TMSB4Y: variants seen among roughly 807,000 people sequenced by gnomAD.
The protein encoded by TMSB4Y is thymosin beta 4 Y-linked.
A neutral mutation model predicts 1.0 loss-of-function variants in TMSB4Y; 2 were observed. The observed-to-expected ratio is 2.00, with a 90% CI of 0.82 to 6.31. The LOEUF is 6.31. Among genes scored for constraint, TMSB4Y ranks in the 30% most tolerant of loss-of-function variants. The pLI, the probability that TMSB4Y is intolerant of heterozygous loss-of-function variation, is 0.05. For missense variants in TMSB4Y, 12 were observed against 9.1 expected (o/e 1.31, Z -0.41); for synonymous variants, 7 against 3.6 (o/e 1.96, Z -1.08).
chrY:13,705,172 C>A, intron 1 of TMSB4Y, 53 bp from the exon 2 acceptor site: 3 of 361,296 alleles, frequency 8.3e-6, no homozygotes, highest in Non-Finnish European at 1.2e-5. Flanking sequence ...GTACTGAAAC[C>A]CCTTAATCAT....
Position 13,705,375 on chromosome Y carries a change from C to T in TMSB4Y, c.*116C>T. The T allele has an allele frequency of 6.1e-6, 1 of 163,371 alleles. No individual in the cohort carries two copies. The highest frequency in any genetic ancestry group is 1.1e-5 in the Non-Finnish European group (1 of 95,033). The allele number at this position is 163,371 out of a possible 400,897, so 40.8% of individuals were successfully genotyped here. A position where few individuals can be genotyped will look rare whatever the true frequency, so the allele number is the denominator to read the frequency against. On this transcript the variant is annotated 3_prime_UTR_variant, in exon 2 of 2. Transcript: ENST00000284856. The stretch of plus-strand genomic sequence containing the variant: ...AACACGTTGGATGAGTTTGAAAGGA[C>T]TATGCTGCCCTTTTGACATCAAAGA...
chrY:13,704,425 T>C lies in TMSB4Y; in HGVS notation c.90T>C (p.Ser30=). 2.6e-6 allele frequency: 1 copy of C among 389,758 alleles called. No homozygotes were observed. The highest frequency in any genetic ancestry group is 3.6e-6 in the Non-Finnish European group (1 of 275,818). Residue 30 remains serine (S), a synonymous_variant, in exon 1 of 2, where the codon TCT becomes TCC. Coordinates refer to ENST00000284856, the MANE Select transcript of TMSB4Y (RefSeq NM_004202.3). ...KTETQEKNPL[S]SKETIEQERQ... is the part of the protein sequence containing the mutation. The stretch of plus-strand genomic sequence containing the variant: ...AAACGCAAGAGAAGAATCCATTGTC[T>C]TCCAAAGAAAGTAAGCTCCGATCCT...
At chrY:13,705,096 T>G in intron 1 of TMSB4Y, 129 bp from the exon 2 acceptor site, 1 of 156,059 alleles carries the variant, frequency 6.4e-6, no homozygotes, top group Non-Finnish European at 1.2e-5. Flanking sequence ...ATGTTGCAAA[T>G]GAAAGCCCCT....
rs760181444 is a variant in TMSB4Y, at chrY:13,704,390, A to G, written c.55A>G (p.Lys19Glu). The change falls in exon 1 of 2, where the codon AAG becomes GAG. Residue 19 changes from lysine to glutamate, a missense_variant. Transcript: ENST00000284856. ...EIEKFDKSKL[K>E]KTETQEKNPL... is the part of the protein sequence containing the mutation. ...CGAGAAATTCGATAAGTCGAAACTG[A>G]AGAAGACAGAAACGCAAGAGAAGAA... is the stretch of plus-strand genomic sequence containing the variant. 1 of 396,610 alleles carries G rather than the reference A, an allele frequency of 2.5e-6. No homozygotes were observed. The highest frequency in any genetic ancestry group is 3.0e-5 in the South Asian group (1 of 33,737).
chrY:13,704,420 T>C lies in TMSB4Y; in HGVS notation c.85T>C (p.Leu29=). 2.6e-6 allele frequency: 1 copy of C among 391,073 alleles called. No individual in the cohort carries two copies. Among genetic ancestry groups the C allele is most frequent in the Non-Finnish European group, 3.6e-6 (1 of 277,051 alleles). The change falls in exon 1 of 2, where the codon TTG becomes CTG. Residue 29 remains leucine, a synonymous_variant. Coordinates refer to ENST00000284856, the MANE Select transcript of TMSB4Y (RefSeq NM_004202.3). ...GACAGAAACGCAAGAGAAGAATCCA[T>C]TGTCTTCCAAAGAAAGTAAGCTCCG... ...KKTETQEKNP[L]SSKETIEQER...
chrY:13,704,407 A>C lies in TMSB4Y; in HGVS notation c.72A>C (p.Gln24His), dbSNP rs776688710. 1 of 394,187 alleles carries C rather than the reference A, an allele frequency of 2.5e-6. No homozygotes were observed. Among genetic ancestry groups the C allele is most frequent in the South Asian group, 3.0e-5 (1 of 33,635 alleles). ...DKSKLKKTETQEKNPLSSKET... is the reference protein window; with the variant it reads ...DKSKLKKTETHEKNPLSSKET... ...CGAAACTGAAGAAGACAGAAACGCA[A>C]GAGAAGAATCCATTGTCTTCCAAAG... The change falls in exon 1 of 2, where the codon CAA becomes CAC. Residue 24 changes from glutamine to histidine, a missense_variant. By Grantham distance (24) the Gln-to-His change is conservative. Transcript: ENST00000284856.
Position 13,704,448 on chromosome Y carries a change from C to T in TMSB4Y, c.100+13C>T. 2 of 350,429 alleles carry T rather than the reference C, an allele frequency of 5.7e-6. No homozygotes were observed. Among genetic ancestry groups the T allele is most frequent in the South Asian group, 3.1e-5 (1 of 31,852 alleles). 87.4% of individuals were successfully genotyped at this position (350,429 alleles called of 400,897 possible). A position where few individuals can be genotyped will look rare whatever the true frequency, so the allele number is the denominator to read the frequency against. ...TCTTCCAAAGAAAGTAAGCTCCGAT[C>T]CTCCCCCATCTTTAGAAAGGCTGGA... On this transcript the variant is annotated intron_variant, in intron 1 of 1. Coordinates refer to ENST00000284856, the MANE Select transcript of TMSB4Y (RefSeq NM_004202.3).
chrY:13,705,050 C>T, intron 1 of TMSB4Y, among the ~76,000 whole-genome samples, 175 bp from the exon 2 acceptor site: 1 of 33,368 alleles, frequency 3.0e-5, no homozygotes, highest in African/African-American at 1.2e-4. Context: ...ACATGCCTAG[C>T]TAGGTACACT....
rs2079760833 is a variant in TMSB4Y, at chrY:13,705,340, G to C, written c.*81G>C. ...TTACTTCTTTTACTTGTTTAACTTG[G>C]TTAGATGCAAACACGTTGGATGAGT... On this transcript the variant is annotated 3_prime_UTR_variant, in exon 2 of 2. Coordinates refer to ENST00000284856, the MANE Select transcript of TMSB4Y (RefSeq NM_004202.3). 1.1e-5 allele frequency: 3 copies of C among 275,431 alleles called. No homozygotes were observed. In the African/African-American group the frequency reaches 2.2e-4, roughly 20 times the overall value. 68.7% of individuals were successfully genotyped at this position (275,431 alleles called of 400,897 possible). A position where few individuals can be genotyped will look rare whatever the true frequency, so the allele number is the denominator to read the frequency against.
In TMSB4Y at chrY:13,703,963, G is replaced by A. The variant is rs2079759953; in HGVS notation, c.-373G>A. 2.6e-5 allele frequency: 1 copy of A among 37,973 alleles called. No homozygotes were observed. Among genetic ancestry groups the A allele is most frequent in the Non-Finnish European group, 6.3e-5 (1 of 15,854 alleles). 9.5% of individuals were successfully genotyped at this position (37,973 alleles called of 400,897 possible). A position where few individuals can be genotyped will look rare whatever the true frequency, so the allele number is the denominator to read the frequency against. Reference sequence around the variant, plus strand: ...TTTTGCGACCTGGGCTCCATTTTAGGAATTCTTGCCCGATTTTAACCACTT... The same window carrying A: ...TTTTGCGACCTGGGCTCCATTTTAGAAATTCTTGCCCGATTTTAACCACTT... On this transcript the variant is annotated 5_prime_UTR_variant, in exon 1 of 2. Transcript: ENST00000284856.
chrY:13,704,601 T>A (rs2079760530), intron 1 of TMSB4Y, among the ~76,000 whole-genome samples, 166 bp downstream of exon 1: 1 of 33,082 alleles, frequency 3.0e-5, no homozygotes, highest in Non-Finnish European at 7.4e-5. Flanking sequence ...AAAAATCAGA[T>A]AACTTTTAGT....
intron 1 of TMSB4Y, 47 bp from the exon 2 acceptor site, chrY:13,705,178 A>G (rs2079760669): frequency 2.7e-6 from 1 of 377,241 alleles, no homozygotes; most frequent in Admixed American, 7.6e-5. Context: ...AAACCCCTTA[A>G]TCATCCCACT....
Position 13,704,016 on chromosome Y carries a change from T to A in TMSB4Y, c.-320T>A. On this transcript the variant is annotated 5_prime_UTR_variant, in exon 1 of 2. Coordinates refer to ENST00000284856, the MANE Select transcript of TMSB4Y (RefSeq NM_004202.3). ...ACGCGGAAGTGGCTTTCCTATTCTC[T>A]TCCAAGCCAGCCTTTAATTTTAAAC... 1 of 50,303 alleles carries A rather than the reference T, an allele frequency of 2.0e-5. No individual in the cohort carries two copies. Among genetic ancestry groups the A allele is most frequent in the South Asian group, 2.3e-4 (1 of 4,391 alleles). The allele number at this position is 50,303 out of a possible 400,897, so 12.5% of individuals were successfully genotyped here.
At position 13,705,599 on chromosome Y, in the gene TMSB4Y, G is replaced by T; in HGVS notation, c.*340G>T. 1 of 46,438 alleles carries T rather than the reference G, an allele frequency of 2.2e-5. No individual in the cohort carries two copies. The highest frequency in any genetic ancestry group is 4.8e-5 in the Non-Finnish European group (1 of 20,929). 11.6% of individuals were successfully genotyped at this position (46,438 alleles called of 400,897 possible). On this transcript the variant is annotated 3_prime_UTR_variant, in exon 2 of 2. Transcript: ENST00000284856. ...GTGCCATTTTTGTTGTTGTTTGAAA[G>T]ATTTTAATTTTTGGAATGCACAGTT...
chrY:13,704,799 G>T, intron 1 of TMSB4Y, among the ~76,000 whole-genome samples: 2 of 32,471 alleles, frequency 6.2e-5, no homozygotes, highest in Non-Finnish European at 1.5e-4. Flanking sequence ...AGGGGAAGTT[G>T]CAGTGAGCCC....
Position 13,705,514 on chromosome Y carries a change from C to T in TMSB4Y, c.*255C>T. 2 of 77,404 alleles carry T rather than the reference C, an allele frequency of 2.6e-5. No individual in the cohort carries two copies. The highest frequency in any genetic ancestry group is 4.8e-5 in the Non-Finnish European group (2 of 41,611). 19.3% of individuals were successfully genotyped at this position (77,404 alleles called of 400,897 possible). A position where few individuals can be genotyped will look rare whatever the true frequency, so the allele number is the denominator to read the frequency against. On this transcript the variant is annotated 3_prime_UTR_variant, in exon 2 of 2. Transcript: ENST00000284856. ...TAGCGGAGTGGGAGGGCAGTGAAAT[C>T]TAGAGTAAAACCAAGTTGGGCCAAG...
At position 13,705,437 on chromosome Y, in the gene TMSB4Y, C is replaced by T. The variant is rs2079760968; in HGVS notation, c.*178C>T. On this transcript the variant is annotated 3_prime_UTR_variant, in exon 2 of 2. Coordinates refer to ENST00000284856, the MANE Select transcript of TMSB4Y (RefSeq NM_004202.3). ...TGGAGGCCACGCCTGCTTCTCCCAT[C>T]GCCTGTCTGGCTGGCAGGGAAGGAA... is the stretch of plus-strand genomic sequence containing the variant. The T allele has an allele frequency of 9.3e-6, 1 of 107,995 alleles. No individual in the cohort carries two copies. Among genetic ancestry groups the T allele is most frequent in the Non-Finnish European group, 1.7e-5 (1 of 58,174 alleles). 26.9% of individuals were successfully genotyped at this position (107,995 alleles called of 400,897 possible).
intron 1 of TMSB4Y, 32 bp downstream of exon 1, chrY:13,704,467 G>A: frequency 3.1e-6 from 1 of 324,074 alleles, no homozygotes; most frequent in African/African-American, 6.6e-5. Context: ...TCTTTAGAAA[G>A]GCTGGAATGC....
intron 1 of TMSB4Y, among the ~76,000 whole-genome samples, chrY:13,704,744 C>A (rs776947893): frequency 3.1e-5 from 1 of 32,758 alleles, no homozygotes; most frequent in South Asian, 7.0e-4. Flanking sequence ...GCCTGTAATC[C>A]CAGTTACTTG....
Sources: gnomAD v4.1 joint callset for allele counts (sites outside exome capture counted in the v4.1 genomes callset) on GRCh38, gnomAD v4.1.1 for gene constraint, MANE v1.5 for transcripts, NCBI Gene and HGNC (gene_info 2026-07-23, HGNC 2026-07-21) for gene names.